The following TET1 variants were observed in gnomAD, a reference collection of about 807,000 sequenced individuals.
TET1 encodes the protein tet methylcytosine dioxygenase 1, also known as methylcytosine dioxygenase TET1.
A neutral mutation model predicts 148.7 loss-of-function variants in TET1; 13 were observed. The ratio of observed to expected loss-of-function variants is 0.09; its 90% CI spans 0.06 to 0.14. The LOEUF (loss-of-function observed/expected upper bound fraction) is 0.14. Among genes scored for constraint, TET1 ranks in the 10% least tolerant of loss-of-function variants. TET1 has a pLI of 1.00. For missense variants in TET1, 2,182 were observed against 2,553.8 expected (o/e 0.85, Z 3.14); for synonymous variants, 907 against 937.2 (o/e 0.97, Z 0.59).
intron 10 of TET1, among the ~76,000 whole-genome samples, chr10:68,685,300 G>A (rs891961974): frequency 1.3e-5 from 2 of 152,054 alleles, no homozygotes; most frequent in South Asian, 2.1e-4. Context: ...TATCTATCAA[G>A]TTCTACCATG....
intron 4 of TET1, among the ~76,000 whole-genome samples, chr10:68,650,200 C>G (rs566571719): frequency 6.6e-6 from 1 of 152,258 alleles, no homozygotes; most frequent in African/African-American, 2.4e-5. Flanking sequence ...AGTAGTAATG[C>G]ACACACATAA....
Position 68,691,490 on chromosome 10 carries a change from T to C in TET1, c.6087T>C (p.Ala2029=), listed in dbSNP as rs2055593285. 2 of 1,613,950 alleles carry C rather than the reference T, an allele frequency of 1.2e-6. No individual in the cohort carries two copies. The highest frequency in any genetic ancestry group is 1.3e-5 in the African/African-American group (1 of 74,892). The change falls in exon 12 of 12, where the codon GCT becomes GCC. Residue 2029 remains alanine, a synonymous_variant. Transcript: ENST00000373644. This position sits in a 1 kb window ranked among gnomAD's most constrained non-coding sequence, Gnocchi z 4.4. The stretch of plus-strand genomic sequence containing the variant: ...AGTGTGCCCGGCGAGAGCTGCACGC[T>C]ACCACTCCTGTTGAGCACCCCAACC... ...LIECARRELH[A]TTPVEHPNRN...
At chr10:68,596,793 C>A (rs10128265) in intron 2 of TET1, among the ~76,000 whole-genome samples, 8 of 152,180 alleles carry the variant, frequency 5.3e-5, no homozygotes, top group Admixed American at 3.9e-4. Flanking sequence ...CTAGGATGAG[C>A]CTTGGCTTTA....
chr10:68,560,919 C>T (rs570288672), intron 1 of TET1, among the ~76,000 whole-genome samples, 177 bp downstream of exon 1: 23 of 152,236 alleles, frequency 1.5e-4, no homozygotes, highest in Non-Finnish European at 2.9e-4. Context: ...CCCCCCACCC[C>T]GGGACGCTCG....
rs749393230 is a variant in TET1 at position 68,693,340 on chromosome 10, T to C, written c.*1526T>C. On this transcript the variant is annotated 3_prime_UTR_variant, in exon 12 of 12. Transcript: ENST00000373644. ...CAAAGTGTCAGATTCCTTGGGAGTATGGAAAACCTAATGGTGCTTCTCCCT... is the reference window on the plus strand; with the variant it reads ...CAAAGTGTCAGATTCCTTGGGAGTACGGAAAACCTAATGGTGCTTCTCCCT... The C allele has an allele frequency of 2.1e-5, 5 of 233,164 alleles. No homozygotes were observed. The highest frequency in any genetic ancestry group is 6.6e-5 in the African/African-American group (3 of 45,284). 14.4% of individuals were successfully genotyped at this position (233,164 alleles called of 1,614,324 possible).
At position 68,659,097 on chromosome 10, in the gene TET1, T is replaced by G. The variant is rs564229806; in HGVS notation, c.4461+6503T>G. Among the ~76,000 whole-genome samples, 4 of 152,068 alleles carry G rather than the reference T, an allele frequency of 2.6e-5. No homozygotes were observed. The East Asian group carries it at 7.8e-4, about 30-fold the overall frequency. On this transcript the variant is annotated intron_variant, in intron 6 of 11. Coordinates refer to ENST00000373644, the MANE Select transcript of TET1 (RefSeq NM_030625.3). ...ACAAAATTAGCCGGGCGTGGTGGCA[T>G]AAGCCTGTAATCCCAGCTACTCAGG...
At chr10:68,592,643 C>T (rs2053932397) in intron 2 of TET1, among the ~76,000 whole-genome samples, 1 of 152,122 alleles carries the variant, frequency 6.6e-6, no homozygotes, top group Non-Finnish European at 1.5e-5. Flanking sequence ...GTTACCTCAG[C>T]AACTTAGTGC....
chr10:68,622,220 T>TCCTTCCTTCCTC (rs2054385923), intron 3 of TET1, among the ~76,000 whole-genome samples: 1 of 80,524 alleles, frequency 1.2e-5, no homozygotes, highest in African/African-American at 5.3e-5. Flanking sequence ...CTTCCTTCCT[T>TCCTTCCTTCCTC]CCCTCCTTCC....
chr10:68,665,720 G>A (rs1231378607), intron 6 of TET1, among the ~76,000 whole-genome samples: 1 of 151,830 alleles, frequency 6.6e-6, no homozygotes, highest in Non-Finnish European at 1.5e-5. Flanking sequence ...TTTTGCATTT[G>A]AGATTATTTG....
At chr10:68,660,174 T>A (rs1358715187) in intron 6 of TET1, among the ~76,000 whole-genome samples, 2 of 152,182 alleles carry the variant, frequency 1.3e-5, no homozygotes, top group African/African-American at 4.8e-5. Context: ...CGAATCACCC[T>A]ATTCCCTTTG....
intron 8 of TET1, chr10:68,675,154 GA>G (rs1050044704): frequency 1.2e-4 from 41 of 347,706 alleles, no homozygotes; most frequent in African/African-American, 4.5e-4. Context: ...ATTTGTGGGG[GA>G]AAAAAGTGTC....
In TET1 at chr10:68,646,788, C is replaced by T. The variant is rs746043501; in HGVS notation, c.4059C>T (p.Leu1353=). 6.2e-7 allele frequency: 1 copy of T among 1,614,134 alleles called. No individual in the cohort carries two copies. The highest frequency in any genetic ancestry group is 1.1e-5 in the South Asian group (1 of 91,072). The change falls in exon 4 of 12, where the codon CTC becomes CTT. Residue 1353 remains leucine (L), a synonymous_variant. Coordinates refer to ENST00000373644, the MANE Select transcript of TET1 (RefSeq NM_030625.3). ...ETPLPESALT[L]RNVNVVCSGG... ...CCTTACCGGAGTCAGCACTAACTCT[C>T]AGGAATGTAAATGTAGTGTGTTCAG...
chr10:68,607,810 T>C (rs2054146916), intron 3 of TET1, among the ~76,000 whole-genome samples: 1 of 148,180 alleles, frequency 6.7e-6, no homozygotes, highest in South Asian at 2.1e-4. Flanking sequence ...TCTCTATATA[T>C]AGAATATATA....
At position 68,645,302 on chromosome 10, in the gene TET1, C is replaced by A. The variant is rs1375072224; in HGVS notation, c.2573C>A (p.Thr858Asn). 1.9e-6 allele frequency: 3 copies of A among 1,614,156 alleles called. No homozygotes were observed. Among genetic ancestry groups the A allele is most frequent in the Non-Finnish European group, 2.5e-6 (3 of 1,180,042 alleles). The change falls in exon 4 of 12, where the codon ACT becomes AAT. Residue 858 changes from threonine to asparagine, a missense_variant. By Grantham distance (65) the Thr-to-Asn change is moderately conservative. This residue lies in a region of TET1 where 582 missense variants were observed against 599.5 expected (regional missense o/e 0.97). Coordinates refer to ENST00000373644, the MANE Select transcript of TET1 (RefSeq NM_030625.3). ...CACAATGAAGGTGATCAACCAAAAA[C>A]TCCTGAGAATATACCAAGTAAAGAA... The part of the protein sequence containing the change: ...SIHNEGDQPK[T>N]PENIPSKEPK...
chr10:68,629,373 A>T lies in TET1; in HGVS notation c.1969-15325A>T, dbSNP rs545996956. On this transcript the variant is annotated intron_variant, in intron 3 of 11. Coordinates refer to ENST00000373644, the MANE Select transcript of TET1 (RefSeq NM_030625.3). ...GAGAAAGATCTCGTCTCAAAAAATA[A>T]TAATAATAATTAAATAAAAATGTAG... is the stretch of plus-strand genomic sequence containing the variant. Among the ~76,000 whole-genome samples the T allele has an allele frequency of 2.6e-5, 4 of 152,170 alleles. No individual in the cohort carries two copies. The East Asian group carries it at 7.7e-4, about 29-fold the overall frequency.
At chr10:68,685,199 ATATATT>A (rs1447597886) in intron 10 of TET1, among the ~76,000 whole-genome samples, 2 of 152,214 alleles carry the variant, frequency 1.3e-5, no homozygotes, top group African/African-American at 2.4e-5. Flanking sequence ...AGGCTGAAAC[ATATATT>A]TATATTTTAG....
At chr10:68,596,703 T>A (rs2053992964) in intron 2 of TET1, among the ~76,000 whole-genome samples, 1 of 152,228 alleles carries the variant, frequency 6.6e-6, no homozygotes, top group Non-Finnish European at 1.5e-5. Flanking sequence ...CAAACAAGTA[T>A]AGATCTTCGT....
chr10:68,639,580 C>T (rs576125576), intron 3 of TET1, among the ~76,000 whole-genome samples: 37 of 151,782 alleles, frequency 2.4e-4, no homozygotes, highest in South Asian at 8.4e-4. Context: ...GTGATCCTCC[C>T]GCTTCAGCCT....
chr10:68,646,991 C>T lies in TET1; in HGVS notation c.4262C>T (p.Thr1421Ile). 1.2e-6 allele frequency: 2 copies of T among 1,611,794 alleles called. No homozygotes were observed. The highest frequency in any genetic ancestry group is 1.7e-6 in the Non-Finnish European group (2 of 1,178,848). ...VSITKDSELP[T>I]CSCLDRVIQK... ...ATAACTAAAGATTCTGAACTGCCCA[C>T]CTGCAGCTGTCTTGGTGAGTACTTG... Residue 1421 changes from threonine (T) to isoleucine (I), a missense_variant, in exon 4 of 12, where the codon ACC becomes ATC. Thr to Ile is a moderately conservative substitution (Grantham distance 89). Transcript: ENST00000373644.
Sources: gnomAD v4.1 joint callset for allele counts (sites outside exome capture counted in the v4.1 genomes callset) on GRCh38, gnomAD v4.1.1 for gene constraint, gnomAD v4.1.1 regional missense constraint, Gnocchi (gnomAD v3.1) non-coding constraint, MANE v1.5 for transcripts, NCBI Gene and HGNC (gene_info 2026-07-23, HGNC 2026-07-21) for gene names.